CCDC39: variants seen among roughly 807,000 people sequenced by gnomAD.
The protein encoded by CCDC39 is coiled-coil domain 39 molecular ruler complex subunit.
A neutral mutation model predicts 121.0 loss-of-function variants in CCDC39; 113 were observed. The ratio of observed to expected loss-of-function variants is 0.93; its 90% confidence interval spans 0.80 to 1.09. The LOEUF is 1.09. Among genes scored for constraint, CCDC39 ranks in the 50% least tolerant of loss-of-function variants. The pLI, the probability that CCDC39 is intolerant of heterozygous loss-of-function variation, is 0.00. For missense variants in CCDC39, 1,063 were observed against 1,074.7 expected, an observed-to-expected ratio of 0.99 and a Z score of 0.15; for synonymous variants, 349 against 352.2, an observed-to-expected ratio of 0.99 and a Z score of 0.10.
chr3:180,646,940 A>C, intron 11 of CCDC39, 139 bp downstream of exon 11: 1 of 712,762 alleles, frequency 1.4e-6, no homozygotes, highest in South Asian at 1.9e-5. Flanking sequence ...TAGTACAAAA[A>C]TAAGAACATT....
At chr3:180,660,480 C>T in intron 4 of CCDC39, 90 bp downstream of exon 4, 1 of 1,190,900 alleles carries the variant, frequency 8.4e-7, no homozygotes, top group East Asian at 2.7e-5. Context: ...GAATTGCTGC[C>T]TTAAAAATCC....
chr3:180,616,845 A>G lies in CCDC39; in HGVS notation c.2387T>C (p.Leu796Ser), dbSNP rs377454931. 42 of 1,610,190 alleles carry G rather than the reference A, an allele frequency of 2.6e-5. No individual in the cohort carries two copies. Among genetic ancestry groups the G allele is most frequent in the Non-Finnish European group, 3.3e-5 (39 of 1,177,616 alleles). Residue 796 changes from leucine to serine, a missense_variant, in exon 17 of 20, where the codon TTA (leucine) becomes TCA (serine). Physicochemically the swap from Leu to Ser is moderately radical, Grantham distance 145. Coordinates refer to ENST00000476379, the MANE Select transcript of CCDC39 (RefSeq NM_181426.2). ...CGATACCTGTTTGGTCACTCTTTCT[A>G]ATTTTGGCTTCTGCTCCTCCGTTTC... ...SKETEEQKPK[L>S]ERVTKQCAKL...
At chr3:180,627,463 T>C (rs1717591311) in intron 14 of CCDC39, among the ~76,000 whole-genome samples, 1 of 152,190 alleles carries the variant, frequency 6.6e-6, no homozygotes, top group Admixed American at 6.5e-5. Context: ...TTTATGCAAA[T>C]TCCTGATATA....
intron 1 of CCDC39, among the ~76,000 whole-genome samples, chr3:180,677,180 ATATATATATATATATATATATATATATAT>A (rs1712252895): frequency 1.8e-5 from 1 of 56,230 alleles, no homozygotes; most frequent in African/African-American, 8.1e-5. Context: ...ATATATATAT[ATATATATATATATATATATATATATATAT>A]ATATATAAAA....
chr3:180,659,391 G>A, intron 6 of CCDC39, 61 bp downstream of exon 6: 2 of 1,576,416 alleles, frequency 1.3e-6, no homozygotes, highest in Non-Finnish European at 1.7e-6. Flanking sequence ...TTGGAATAAT[G>A]AGTTAAATAC....
chr3:180,638,270 A>G (rs1464835338), intron 13 of CCDC39, among the ~76,000 whole-genome samples: 1 of 152,154 alleles, frequency 6.6e-6, no homozygotes, highest in African/African-American at 2.4e-5. Flanking sequence ...CTGTAATCAG[A>G]CTTCTCATAA....
chr3:180,645,653 G>A (rs1291159541), intron 11 of CCDC39, among the ~76,000 whole-genome samples: 1 of 152,138 alleles, frequency 6.6e-6, no homozygotes, highest in African/African-American at 2.4e-5. Context: ...TTTTCTGTAT[G>A]TAAAATGAGA....
intron 15 of CCDC39, among the ~76,000 whole-genome samples, 163 bp from the exon 16 acceptor site, chr3:180,619,528 T>C (rs750332033): frequency 4.7e-4 from 71 of 152,086 alleles, no homozygotes; most frequent in Non-Finnish European, 8.5e-4. Flanking sequence ...TTTCTTGTTT[T>C]GTCAACATAG....
chr3:180,631,302 GC>G lies in CCDC39; in HGVS notation c.1998+166del, dbSNP rs1473999747. ...TCTCCATTTAGGAATGAATGTTTTGGCCTTTGTTAAGTGTAATAGTGGCCCT... is the reference window on the plus strand; with the variant it reads ...TCTCCATTTAGGAATGAATGTTTTGGCTTTGTTAAGTGTAATAGTGGCCCT... On this transcript the variant is annotated intron_variant, in intron 14 of 19. Transcript: ENST00000476379. Among the ~76,000 whole-genome samples the G allele has an allele frequency of 2.0e-5, 3 of 152,234 alleles. No individual in the cohort carries two copies. The East Asian group carries it at 5.8e-4, about 29-fold the overall frequency.
At chr3:180,615,171 G>C in intron 19 of CCDC39, 94 bp from the exon 20 acceptor site, 1 of 888,798 alleles carries the variant, frequency 1.1e-6, no homozygotes, top group Non-Finnish European at 1.7e-6. Flanking sequence ...AATTCCATAA[G>C]TAAAGACATC....
intron 1 of CCDC39, among the ~76,000 whole-genome samples, chr3:180,677,155 AATAATAATAATTTTATATATATATAT>A (rs1397785509): frequency 4.8e-5 from 5 of 104,618 alleles, no homozygotes; most frequent in African/African-American, 2.2e-4. Flanking sequence ...TAATAATAAT[AATAATAATAATTTTATATATATATAT>A]ATATATATAT....
intron 13 of CCDC39, 149 bp from the exon 14 acceptor site, chr3:180,631,741 A>G: frequency 1.5e-6 from 1 of 670,404 alleles, no homozygotes; most frequent in Non-Finnish European, 2.5e-6. Flanking sequence ...TTTAATAAAA[A>G]GACTATCAGG....
intron 14 of CCDC39, 62 bp downstream of exon 14, chr3:180,631,407 A>G: frequency 3.6e-6 from 5 of 1,406,552 alleles, no homozygotes; most frequent in Non-Finnish European, 4.9e-6. Flanking sequence ...TCAGAGGATT[A>G]TGATGAATGA....
intron 13 of CCDC39, among the ~76,000 whole-genome samples, chr3:180,634,734 A>G (rs1287566088): frequency 8.3e-4 from 126 of 152,238 alleles, no homozygotes; most frequent in Non-Finnish European, 7.4e-5. Flanking sequence ...ACAGCCAAGC[A>G]AGAGCCTACC....
intron 14 of CCDC39, among the ~76,000 whole-genome samples, chr3:180,626,854 G>A (rs1024906885): frequency 2.8e-4 from 42 of 152,206 alleles, no homozygotes; most frequent in African/African-American, 9.9e-4. Flanking sequence ...CCTTGGACAG[G>A]TGGTAGTTGC....
intron 1 of CCDC39, 130 bp from the exon 2 acceptor site, chr3:180,664,116 T>C (rs1437951078): frequency 1.1e-5 from 8 of 758,450 alleles, no homozygotes; most frequent in Non-Finnish European, 1.6e-5. Context: ...AACAAAAATA[T>C]CATAGACTAG....
Position 180,679,479 on chromosome 3 carries a change from C to G in CCDC39, c.-99G>C, listed in dbSNP as rs13089299. 5.4e-6 allele frequency: 6 copies of G among 1,114,790 alleles called. No individual in the cohort carries two copies. Among genetic ancestry groups the G allele is most frequent in the Non-Finnish European group, 8.3e-6 (6 of 725,812 alleles). The allele number at this position is 1,114,790 out of a possible 1,614,324, so 69.1% of individuals were successfully genotyped here. ...AAGCCCAGGCACCTGCACAGTGCCG[C>G]GGCAATTGCCGGGGGAGCCCTAGCA... is the stretch of plus-strand genomic sequence containing the variant. On this transcript the variant is annotated 5_prime_UTR_variant, in exon 1 of 20. Transcript: ENST00000476379. The surrounding 1 kb of genome is among the most constrained non-coding windows in gnomAD (Gnocchi z 4.0).
chr3:180,633,698 GGA>G (rs1175776418), intron 13 of CCDC39, among the ~76,000 whole-genome samples: 1 of 152,144 alleles, frequency 6.6e-6, no homozygotes, highest in Non-Finnish European at 1.5e-5. Context: ...GGAGAAAACA[GGA>G]GAGTATGATG....
intron 3 of CCDC39, among the ~76,000 whole-genome samples, chr3:180,661,215 A>T (rs1711733816): frequency 6.6e-6 from 1 of 152,078 alleles, no homozygotes; most frequent in South Asian, 2.1e-4. Flanking sequence ...TAAATATAGT[A>T]AAAGAGATAA....
Sources: gnomAD v4.1 joint callset for allele counts (sites outside exome capture counted in the v4.1 genomes callset) on GRCh38, gnomAD v4.1.1 for gene constraint, Gnocchi (gnomAD v3.1) non-coding constraint, MANE v1.5 for transcripts, NCBI Gene and HGNC (gene_info 2026-07-23, HGNC 2026-07-21) for gene names.